The following CDH12 variants were observed in gnomAD, a reference collection of about 807,000 sequenced individuals.
The protein encoded by CDH12 is cadherin 12.
In CDH12, 41 loss-of-function variants were observed where a neutral mutation model predicts 74.1. The observed-to-expected ratio is 0.55, with a 90% CI of 0.43 to 0.72. The LOEUF is 0.72. Ranked by LOEUF, CDH12 falls within the 30% of genes least tolerant of loss-of-function variation. CDH12 has a pLI of 0.00. For missense variants in CDH12, 945 were observed against 977.2 expected, an observed-to-expected ratio of 0.97 and a Z score of 0.44; for synonymous variants, 399 against 355.0, an observed-to-expected ratio of 1.12 and a Z score of -1.39.
At chr5:22,099,035 G>T (rs1441944251) in intron 4 of CDH12, among the ~76,000 whole-genome samples, 2 of 152,052 alleles carry the variant, frequency 1.3e-5, no homozygotes, top group South Asian at 2.1e-4. Context: ...ATCAAGCTAA[G>T]GGATTTGCCC....
intron 1 of CDH12, among the ~76,000 whole-genome samples, chr5:22,657,211 C>A (rs1740091011): frequency 6.6e-6 from 1 of 152,020 alleles, no homozygotes; most frequent in African/African-American, 2.4e-5. Flanking sequence ...TGACAAAAAA[C>A]AAAATCATAA....
chr5:22,290,285 T>A (rs1200513705), intron 3 of CDH12, among the ~76,000 whole-genome samples: 3 of 152,142 alleles, frequency 2.0e-5, no homozygotes, highest in African/African-American at 7.2e-5. Context: ...GGTCAGTGAC[T>A]GACCCCAAAA....
chr5:22,145,226 C>T (rs1205766912), intron 4 of CDH12, among the ~76,000 whole-genome samples: 1 of 152,066 alleles, frequency 6.6e-6, no homozygotes, highest in African/African-American at 2.4e-5. Flanking sequence ...GTGAAACTAA[C>T]TGTGTATATA....
intron 4 of CDH12, among the ~76,000 whole-genome samples, chr5:22,200,014 C>T (rs1750837422): frequency 6.6e-6 from 1 of 152,086 alleles, no homozygotes; most frequent in African/African-American, 2.4e-5. Context: ...ATTATGGTTC[C>T]AGGGAAGATT....
intron 1 of CDH12, among the ~76,000 whole-genome samples, chr5:22,718,298 C>T (rs1743689487): frequency 6.6e-6 from 1 of 152,196 alleles, no homozygotes; most frequent in Non-Finnish European, 1.5e-5. Flanking sequence ...TCCACCCCCA[C>T]TCCCACACCT....
At chr5:22,621,748 C>T (rs918956019) in intron 1 of CDH12, among the ~76,000 whole-genome samples, 1 of 151,846 alleles carries the variant, frequency 6.6e-6, no homozygotes, top group African/African-American at 2.4e-5. Context: ...ATTTTAAATG[C>T]CATTTATATA....
intron 1 of CDH12, among the ~76,000 whole-genome samples, chr5:22,660,332 T>C (rs965362666): frequency 6.6e-6 from 1 of 152,230 alleles, no homozygotes; most frequent in African/African-American, 2.4e-5. Flanking sequence ...TATTAAATGA[T>C]AGTGCATGCT....
intron 1 of CDH12, among the ~76,000 whole-genome samples, chr5:22,718,764 A>G (rs1743719499): frequency 1.3e-5 from 2 of 152,144 alleles, no homozygotes; most frequent in African/African-American, 2.4e-5. Context: ...CTGCAGTAAG[A>G]ACTGAAGACA....
intron 6 of CDH12, among the ~76,000 whole-genome samples, chr5:21,908,218 C>A (rs973512441): frequency 6.6e-6 from 1 of 152,092 alleles, no homozygotes; most frequent in Non-Finnish European, 1.5e-5. Context: ...GCTGCCAGAG[C>A]AATTGGGAAT....
At chr5:22,095,314 A>G (rs1743687986) in intron 4 of CDH12, among the ~76,000 whole-genome samples, 1 of 151,782 alleles carries the variant, frequency 6.6e-6, no homozygotes, top group South Asian at 2.1e-4. Context: ...TCTTAATTTC[A>G]ATTCCTTTCA....
chr5:22,725,703 G>A (rs1220935473), intron 1 of CDH12, among the ~76,000 whole-genome samples: 1 of 151,490 alleles, frequency 6.6e-6, no homozygotes, highest in Non-Finnish European at 1.5e-5. Context: ...CTGTGGATTA[G>A]GTTTCAACAT....
intron 3 of CDH12, among the ~76,000 whole-genome samples, chr5:22,395,260 T>A (rs1742406801): frequency 6.6e-6 from 1 of 151,888 alleles, no homozygotes; most frequent in African/African-American, 2.4e-5. Flanking sequence ...GAGGCAGAGA[T>A]CAGAGTGATG....
chr5:21,880,797 C>A (rs1361979639), intron 6 of CDH12, among the ~76,000 whole-genome samples: 1 of 151,508 alleles, frequency 6.6e-6, no homozygotes, highest in African/African-American at 2.4e-5. Context: ...TCCCAGTGCA[C>A]CCCAGCTCTC....
At chr5:22,177,263 T>A (rs2150334289) in intron 4 of CDH12, among the ~76,000 whole-genome samples, 1 of 152,290 alleles carries the variant, frequency 6.6e-6, no homozygotes, top group East Asian at 1.9e-4. Flanking sequence ...CCTACCTATT[T>A]TTTTCATACA....
At chr5:22,379,210 T>C (rs1352056691) in intron 3 of CDH12, among the ~76,000 whole-genome samples, 1 of 152,126 alleles carries the variant, frequency 6.6e-6, no homozygotes, top group Non-Finnish European at 1.5e-5. Context: ...TGTTGCAAGA[T>C]ATAAATGGTG....
intron 5 of CDH12, among the ~76,000 whole-genome samples, chr5:21,997,151 T>C (rs894098032): frequency 1.3e-5 from 2 of 152,160 alleles, no homozygotes; most frequent in Non-Finnish European, 2.9e-5. Flanking sequence ...AAAGTATTTG[T>C]CCAGCATATT....
chr5:22,436,957 T>C (rs1297374472), intron 2 of CDH12, among the ~76,000 whole-genome samples: 1 of 152,082 alleles, frequency 6.6e-6, no homozygotes, highest in Non-Finnish European at 1.5e-5. Context: ...ATGTGGTAAA[T>C]TTTATTAAAA....
At chr5:22,124,393 G>C (rs1745719655) in intron 4 of CDH12, among the ~76,000 whole-genome samples, 1 of 152,042 alleles carries the variant, frequency 6.6e-6, no homozygotes, top group Admixed American at 6.5e-5. Flanking sequence ...CAAAGTGCTG[G>C]GATTACAGGC....
intron 1 of CDH12, among the ~76,000 whole-genome samples, chr5:22,704,604 T>C (rs1176121626): frequency 3.9e-5 from 6 of 152,250 alleles, no homozygotes; most frequent in South Asian, 4.1e-4. Context: ...TTGAAATATT[T>C]ACAAGAAGTA....
Sources: allele counts gnomAD v4.1 joint callset (sites outside exome capture counted in the v4.1 genomes callset), GRCh38; gene constraint gnomAD v4.1.1; transcripts MANE v1.5; gene names NCBI Gene and HGNC (gene_info 2026-07-23, HGNC 2026-07-21).